The following PRMT5 variants were observed in gnomAD, a reference collection of about 807,000 sequenced individuals.
PRMT5 encodes the protein protein arginine N-methyltransferase 5.
A neutral mutation model predicts 84.0 loss-of-function variants in PRMT5; 15 were observed. That is an observed-to-expected ratio of 0.18 (90% CI 0.12 to 0.28). The LOEUF is 0.28. PRMT5 is among the 10% of genes least tolerant of loss of function. PRMT5 has a pLI of 1.00. For missense variants in PRMT5, 486 were observed against 808.0 expected, an observed-to-expected ratio of 0.60 and a Z score of 4.83; for synonymous variants, 276 against 292.4, an observed-to-expected ratio of 0.94 and a Z score of 0.57.
At position 22,924,665 on chromosome 14, in the gene PRMT5, T is replaced by C. The variant is rs2044378265; in HGVS notation, c.984A>G (p.Glu328=). ...ACTGAGAGTATTTGATGGGGTCCTT[T>C]TCAAACACTTCATATGTCTGAGATT... ...NLESQTYEVF[E]KDPIKYSQYQ... The change falls in exon 9 of 17, where the codon GAA becomes GAG. Residue 328 remains glutamate, a synonymous_variant. Transcript: ENST00000324366. The surrounding 1 kb of genome is among the most constrained non-coding windows in gnomAD (Gnocchi z 6.5). The C allele has an allele frequency of 6.2e-7, 1 of 1,614,160 alleles. No individual in the cohort carries two copies. The highest frequency in any genetic ancestry group is 2.2e-5 in the East Asian group (1 of 44,882).
rs752873938 is a variant in PRMT5 at position 22,924,853 on chromosome 14, C to T, written c.939+26G>A. On this transcript the variant is annotated intron_variant, in intron 8 of 16. Coordinates refer to ENST00000324366, the MANE Select transcript of PRMT5 (RefSeq NM_006109.5). This position sits in a 1 kb window ranked among gnomAD's most constrained non-coding sequence, Gnocchi z 6.5. ...AAGAAACATTTTCCATCCCACCTTC[C>T]TCCTCTAAGTGCACTCCAGACCCAC... 3 of 1,606,530 alleles carry T rather than the reference C, an allele frequency of 1.9e-6. No individual in the cohort carries two copies. The highest frequency in any genetic ancestry group is 2.6e-6 in the Non-Finnish European group (3 of 1,175,100).
chr14:22,926,829 T>C lies in PRMT5; in HGVS notation c.451-15A>G. 6.3e-7 allele frequency: 1 copy of C among 1,580,576 alleles called. No individual in the cohort carries two copies. Among genetic ancestry groups the C allele is most frequent in the Non-Finnish European group, 8.7e-7 (1 of 1,149,546 alleles). ...CGCATCCAGAACTGCACATGAACAG[T>C]CACCCTTTTAGAACTCTCTTTTGAA... On this transcript the variant is annotated splice_polypyrimidine_tract_variant and intron_variant, in intron 4 of 16. Transcript: ENST00000324366.
At position 22,922,556 on chromosome 14, in the gene PRMT5, G is replaced by A. The variant is rs777356959; in HGVS notation, c.1583C>T (p.Pro528Leu). 53 of 1,609,998 alleles carry A rather than the reference G, an allele frequency of 3.3e-5. No individual in the cohort carries two copies. The highest frequency in any genetic ancestry group is 4.3e-5 in the Non-Finnish European group (51 of 1,176,276). The change falls in exon 15 of 17, where the codon CCT becomes CTT. Residue 528 changes from proline (P) to leucine (L), a missense_variant. By Grantham distance (98) the Pro-to-Leu change is moderately conservative (BLOSUM62 -3). Around this residue, in one of 4 missense-constraint regions of PRMT5, gnomAD observed 219 missense variants for 433.6 expected, o/e 0.51. Coordinates refer to ENST00000324366, the MANE Select transcript of PRMT5 (RefSeq NM_006109.5). Reference protein sequence around the residue: ...CFTFSHPNRDPMIDNNRYCTL... With the variant: ...CFTFSHPNRDLMIDNNRYCTL... ...GCAATAGCGGTTGTTGTCAATCATA[G>A]GATCTGTCAGGAAATAATTATGTGG...
intron 7 of PRMT5, among the ~76,000 whole-genome samples, chr14:22,925,535 C>T (rs2044400390): frequency 6.6e-6 from 1 of 152,038 alleles, no homozygotes; most frequent in Admixed American, 6.5e-5. Context: ...AAAAAGCCCC[C>T]TTGGCCGGGC....
At position 22,920,719 on chromosome 14, in the gene PRMT5, G is replaced by A; in HGVS notation, c.*185C>T. The A allele has an allele frequency of 1.2e-6, 1 of 863,176 alleles. No individual in the cohort carries two copies. 53.5% of individuals were successfully genotyped at this position (863,176 alleles called of 1,614,324 possible). On this transcript the variant is annotated 3_prime_UTR_variant, in exon 17 of 17. Coordinates refer to ENST00000324366, the MANE Select transcript of PRMT5 (RefSeq NM_006109.5). ...CCCTGGCCTGAGGTCTTCATAGATT[G>A]GTGGCTTGAGCCCTGCAATTAATTA...
Position 22,929,352 on chromosome 14 carries a change from T to C in PRMT5, c.10A>G (p.Met4Val). 4.4e-6 allele frequency: 7 copies of C among 1,608,476 alleles called. No individual in the cohort carries two copies. The highest frequency in any genetic ancestry group is 5.9e-6 in the Non-Finnish European group (7 of 1,178,560). MAA[M>V]AVGGAGGSRV... The stretch of plus-strand genomic sequence containing the variant: ...CTCCCACCAGCACCCCCGACCGCCA[T>C]CGCCGCCATCTTTCTCCTCGCGCTG... The change falls in exon 1 of 17, where the codon ATG becomes GTG. Residue 4 changes from methionine to valine, a missense_variant. Physicochemically the swap from Met to Val is conservative, Grantham distance 21 (BLOSUM62 1). This residue lies in a region of PRMT5 where 51 missense variants were observed against 53.8 expected (regional missense o/e 0.95). Transcript: ENST00000324366.
At chr14:22,927,377 G>T in intron 4 of PRMT5, 149 bp downstream of exon 4, 1 of 1,077,476 alleles carries the variant, frequency 9.3e-7, no homozygotes, top group Non-Finnish European at 1.3e-6. Flanking sequence ...CCAAAGTGCT[G>T]GGATTACAGG....
At position 22,922,489 on chromosome 14, in the gene PRMT5, G is replaced by A. The variant is rs1476180326; in HGVS notation, c.1650C>T (p.Gly550=). Residue 550 remains glycine (G), a synonymous_variant, in exon 15 of 17, where the codon GGC becomes GGT. Coordinates refer to ENST00000324366, the MANE Select transcript of PRMT5 (RefSeq NM_006109.5). The part of the protein sequence containing the change: ...FPVEVNTVLH[G]FAGYFETVLY... The stretch of plus-strand genomic sequence containing the variant: ...GCACAGTCTCAAAGTAGCCGGCAAA[G>A]CCATGTAGTACTGTGTTCACCTCCA... 1 of 1,614,150 alleles carries A rather than the reference G, an allele frequency of 6.2e-7. No individual in the cohort carries two copies. Among genetic ancestry groups the A allele is most frequent in the Non-Finnish European group, 8.5e-7 (1 of 1,179,984 alleles).
chr14:22,926,858 A>C, intron 4 of PRMT5, 44 bp from the exon 5 acceptor site: 8 of 1,395,932 alleles, frequency 5.7e-6, no homozygotes, highest in East Asian at 2.3e-5. Flanking sequence ...TTTTGAACTC[A>C]TTGGGTCCAG....
rs2295685 is a variant in PRMT5, at chr14:22,928,944, A to G, written c.110+308T>C. 375,132 of 611,256 alleles carry G rather than the reference A, an allele frequency of 0.61. 117,967 individuals carry two copies. Among genetic ancestry groups the G allele is most frequent in the East Asian group, 0.8 (28,555 of 35,812 alleles). 37.9% of individuals were successfully genotyped at this position (611,256 alleles called of 1,614,324 possible). On this transcript the variant is annotated intron_variant, in intron 1 of 16. Coordinates refer to ENST00000324366, the MANE Select transcript of PRMT5 (RefSeq NM_006109.5). The surrounding 1 kb of genome is among the most constrained non-coding windows in gnomAD (Gnocchi z 4.8). Reference sequence around the variant, plus strand: ...GTTCTGCCCATGCCTCCCCCGTCAAAATTAGCCTCTTCTCTCCCTTGCCCC... The same window carrying G: ...GTTCTGCCCATGCCTCCCCCGTCAAGATTAGCCTCTTCTCTCCCTTGCCCC...
chr14:22,923,883 A>T lies in PRMT5; in HGVS notation c.1375+125T>A. ...GCTAGGGGCACAGAGGCAGTGAAGCAGTGGCTCTCAAACTCATATGATGTG... is the reference window on the plus strand; with the variant it reads ...GCTAGGGGCACAGAGGCAGTGAAGCTGTGGCTCTCAAACTCATATGATGTG... On this transcript the variant is annotated intron_variant, in intron 12 of 16. Transcript: ENST00000324366. The surrounding 1 kb of genome is among the most constrained non-coding windows in gnomAD (Gnocchi z 5.2). 9.9e-7 allele frequency: 1 copy of T among 1,008,002 alleles called. No individual in the cohort carries two copies. Among genetic ancestry groups the T allele is most frequent in the Non-Finnish European group, 1.4e-6 (1 of 698,456 alleles). 62.4% of individuals were successfully genotyped at this position (1,008,002 alleles called of 1,614,324 possible). A position where few individuals can be genotyped will look rare whatever the true frequency, so the allele number is the denominator to read the frequency against.
chr14:22,929,342 C>A lies in PRMT5; in HGVS notation c.20G>T (p.Gly7Val), dbSNP rs756343350. Residue 7 changes from glycine (G) to valine (V), a missense_variant, in exon 1 of 17, where the codon GGG (glycine) becomes GTG (valine). Coordinates refer to ENST00000324366, the MANE Select transcript of PRMT5 (RefSeq NM_006109.5). ...GGACACGCGGCTCCCACCAGCACCC[C>A]CGACCGCCATCGCCGCCATCTTTCT... MAAMAV[G>V]GAGGSRVSSG... 1.6e-5 allele frequency: 26 copies of A among 1,610,154 alleles called. No individual in the cohort carries two copies. The highest frequency in any genetic ancestry group is 9.9e-5 in the South Asian group (9 of 90,900).
In PRMT5 at chr14:22,922,332, T is replaced by C. The variant is rs551409974; in HGVS notation, c.1697-92A>G. ...GGTCTCTTCTCTAATCACACAAAGA[T>C]CTCCATTCATTGAGCACTGGGCCCC... On this transcript the variant is annotated intron_variant, in intron 15 of 16. Coordinates refer to ENST00000324366, the MANE Select transcript of PRMT5 (RefSeq NM_006109.5). The C allele has an allele frequency of 2.9e-4, 289 of 1,003,730 alleles. No homozygotes were observed. In the African/African-American group the frequency reaches 4.3e-3, roughly 15 times the overall value. 62.2% of individuals were successfully genotyped at this position (1,003,730 alleles called of 1,614,324 possible).
At chr14:22,926,467 A>G in intron 6 of PRMT5, 39 bp downstream of exon 6, 1 of 1,611,208 alleles carries the variant, frequency 6.2e-7, no homozygotes. Context: ...ACAGGAGGTA[A>G]GAGAAGCCAC....
In PRMT5 at chr14:22,928,642, T is replaced by A; in HGVS notation, c.111-27A>T. On this transcript the variant is annotated intron_variant, in intron 1 of 16. Coordinates refer to ENST00000324366, the MANE Select transcript of PRMT5 (RefSeq NM_006109.5). The surrounding 1 kb of genome is among the most constrained non-coding windows in gnomAD (Gnocchi z 4.8). ...TACAACCGCGACAGACCCAGAATCA[T>A]GTAAAGACAGCAGCAGTGCCAGAGA... 6.5e-7 allele frequency: 1 copy of A among 1,540,636 alleles called. No individual in the cohort carries two copies. The highest frequency in any genetic ancestry group is 9.0e-7 in the Non-Finnish European group (1 of 1,113,218).
chr14:22,925,372 G>C (rs1293895171), intron 7 of PRMT5, among the ~76,000 whole-genome samples: 2 of 151,504 alleles, frequency 1.3e-5, no homozygotes, highest in Admixed American at 6.6e-5. Flanking sequence ...GGACAGGCTG[G>C]TCTCAAACTC....
Position 22,929,240 on chromosome 14 carries a change from T to A in PRMT5, c.110+12A>T. The A allele has an allele frequency of 6.2e-7, 1 of 1,613,620 alleles. No homozygotes were observed. Among genetic ancestry groups the A allele is most frequent in the Non-Finnish European group, 8.5e-7 (1 of 1,179,904 alleles). ...GGACCCCGCATTCCGCTCGTGGAGG[T>A]CCGGCCCTCACCCCTGCTTGGCCAC... is the stretch of plus-strand genomic sequence containing the variant. On this transcript the variant is annotated intron_variant, in intron 1 of 16. Coordinates refer to ENST00000324366, the MANE Select transcript of PRMT5 (RefSeq NM_006109.5).
chr14:22,927,384 C>A, intron 4 of PRMT5, 142 bp downstream of exon 4: 1 of 1,138,594 alleles, frequency 8.8e-7, no homozygotes, highest in Non-Finnish European at 1.3e-6. Flanking sequence ...GCTGGGATTA[C>A]AGGCATCACC....
At position 22,922,576 on chromosome 14, in the gene PRMT5, A is replaced by T; in HGVS notation, c.1580-17T>A. 2 of 1,596,902 alleles carry T rather than the reference A, an allele frequency of 1.3e-6. No homozygotes were observed. The highest frequency in any genetic ancestry group is 1.7e-4 in the Middle Eastern group (1 of 6,022). On this transcript the variant is annotated splice_polypyrimidine_tract_variant and intron_variant, in intron 14 of 16. Coordinates refer to ENST00000324366, the MANE Select transcript of PRMT5 (RefSeq NM_006109.5). ...TCATAGGATCTGTCAGGAAATAATT[A>T]TGTGGGTGACAAGGGGCCAGAAGCT...
Sources: allele counts gnomAD v4.1 joint callset (sites outside exome capture counted in the v4.1 genomes callset), GRCh38; gene constraint gnomAD v4.1.1; regional missense constraint gnomAD v4.1.1; non-coding constraint Gnocchi (gnomAD v3.1); transcripts MANE v1.5; gene names NCBI Gene and HGNC (gene_info 2026-07-23, HGNC 2026-07-21).